CLDN14: variants seen among roughly 807,000 people sequenced by gnomAD.
CLDN14 encodes the protein claudin 14.
Under a neutral mutation model 2.1 loss-of-function variants are expected in CLDN14, and 2 were observed. The observed-to-expected ratio is 0.96, with a 90% CI of 0.39 to 3.01. The LOEUF (loss-of-function observed/expected upper bound fraction) is 3.01, where lower values mean the gene tolerates loss of function less well. Ranked by LOEUF, CLDN14 falls within the 30% of genes most tolerant of loss-of-function variation. The pLI is 0.09. For synonymous variants in CLDN14, 136 were observed against 154.4 expected (o/e 0.88, Z 0.88); for missense variants, 298 against 328.0 (o/e 0.91, Z 0.71).
In CLDN14 at chr21:36,500,693, A is replaced by C. The variant is rs546183396; in HGVS notation, c.-82+9670T>G. On this transcript the variant is annotated intron_variant, in intron 2 of 2. Coordinates refer to the CLDN14 transcript ENST00000342108. ...GTGATCCACCCGCCTCGGCCTCCCA[A>C]AGTGCTGGGATTATAGGCGCACGTC... 5.1e-4 allele frequency among the ~76,000 whole-genome samples: 78 copies of C among 152,280 alleles called. 1 individual carries two copies. Among genetic ancestry groups the C allele is most frequent in the African/African-American group, 1.8e-3 (75 of 41,562 alleles).
intron 2 of CLDN14, among the ~76,000 whole-genome samples, chr21:36,493,224 G>A (rs567863056): frequency 5.9e-5 from 9 of 152,242 alleles, no homozygotes; most frequent in African/African-American, 9.6e-5. Flanking sequence ...AGGGGCCTTC[G>A]TCCTGTCCTG....
chr21:36,571,715 C>T (rs902486557), intron 1 of CLDN14, among the ~76,000 whole-genome samples: 2 of 152,224 alleles, frequency 1.3e-5, no homozygotes, highest in Admixed American at 6.5e-5. Flanking sequence ...ATACCGTTAC[C>T]TCCAAGTGCC....
At chr21:36,569,160 G>A (rs996171458) in intron 1 of CLDN14, among the ~76,000 whole-genome samples, 3 of 152,272 alleles carry the variant, frequency 2.0e-5, no homozygotes, top group Non-Finnish European at 4.4e-5. Context: ...GCTCACGCCA[G>A]TGATCCCAGC....
At chr21:36,543,125 G>A (rs758606385) in intron 1 of CLDN14, among the ~76,000 whole-genome samples, 2 of 152,208 alleles carry the variant, frequency 1.3e-5, no homozygotes, top group African/African-American at 4.8e-5. Flanking sequence ...GTAGGTGCGC[G>A]GAGGGACTCA....
At chr21:36,535,276 T>C (rs899185728) in intron 1 of CLDN14, among the ~76,000 whole-genome samples, 6 of 152,044 alleles carry the variant, frequency 3.9e-5, no homozygotes, top group African/African-American at 1.4e-4. Flanking sequence ...TATAGTCCCA[T>C]CTACTTGGGA....
At chr21:36,541,407 T>G (rs2087487311) in intron 1 of CLDN14, among the ~76,000 whole-genome samples, 1 of 152,108 alleles carries the variant, frequency 6.6e-6, no homozygotes, top group South Asian at 2.1e-4. Context: ...AAGAATCATA[T>G]CTAAGTCCTA....
At chr21:36,488,850 C>T (rs775040526) in intron 2 of CLDN14, among the ~76,000 whole-genome samples, 7 of 151,838 alleles carry the variant, frequency 4.6e-5, no homozygotes, top group Admixed American at 4.6e-4. Context: ...AGAAAGAGGC[C>T]GCGCACAGTG....
rs146572663 is a variant in CLDN14, at chr21:36,571,331, T to A, written c.-220+5080A>T. Among the ~76,000 whole-genome samples the A allele has an allele frequency of 1.6e-4, 24 of 152,338 alleles. No homozygotes were observed. In the East Asian group the frequency reaches 3.9e-3, roughly 24 times the overall value. ...TGCATTAATAAAAGTAGTTATGTCATGTGTGGTTAACAGTATGTAAGGTTG... is the reference window on the plus strand; with the variant it reads ...TGCATTAATAAAAGTAGTTATGTCAAGTGTGGTTAACAGTATGTAAGGTTG... On this transcript the variant is annotated intron_variant, in intron 1 of 2. Transcript: ENST00000342108.
In CLDN14 at chr21:36,543,100, C is replaced by A. The variant is rs191684777; in HGVS notation, c.-219-32600G>T. On this transcript the variant is annotated intron_variant, in intron 1 of 2. Coordinates refer to the CLDN14 transcript ENST00000342108. ...CAGCAGATTTCAACAACCCGCCTCC[C>A]ACCCTACACCGCAAGTAGGTGCGCG... Among the ~76,000 whole-genome samples, 484 of 152,344 alleles carry A rather than the reference C, an allele frequency of 3.2e-3. 3 individuals are homozygous for A. The highest frequency in any genetic ancestry group is 0.011 in the African/African-American group (440 of 41,584).
intron 1 of CLDN14, among the ~76,000 whole-genome samples, chr21:36,540,027 A>G (rs1333661211): frequency 7.0e-6 from 1 of 142,114 alleles, no homozygotes; most frequent in African/African-American, 2.6e-5. Context: ...TGGTATGTGT[A>G]TGGTGTGGTG....
intron 2 of CLDN14, among the ~76,000 whole-genome samples, chr21:36,497,499 C>T (rs1344505483): frequency 6.6e-6 from 1 of 151,266 alleles, no homozygotes; most frequent in East Asian, 2.0e-4. Flanking sequence ...GTTTTCTTTT[C>T]CCTTCCTTTC....
At chr21:36,572,144 T>C (rs2087714255) in intron 1 of CLDN14, among the ~76,000 whole-genome samples, 1 of 152,232 alleles carries the variant, frequency 6.6e-6, no homozygotes, top group Admixed American at 6.5e-5. Context: ...TTGGTGCCGA[T>C]GCTCTCTGGG....
chr21:36,500,549 A>G (rs751325379), intron 2 of CLDN14, among the ~76,000 whole-genome samples: 3 of 152,112 alleles, frequency 2.0e-5, no homozygotes, highest in Non-Finnish European at 4.4e-5. Flanking sequence ...CTCCTGCTTC[A>G]ACCTCCCTAG....
intron 1 of CLDN14, among the ~76,000 whole-genome samples, chr21:36,465,453 A>G (rs2086633407): frequency 6.6e-6 from 1 of 152,030 alleles, no homozygotes; most frequent in Non-Finnish European, 1.5e-5. Flanking sequence ...TGAGCCCCCA[A>G]CTCCCAGACA....
rs7282031 is a variant in CLDN14, at chr21:36,553,954, G to A, written c.-220+22457C>T. On this transcript the variant is annotated intron_variant, in intron 1 of 2. Coordinates refer to the CLDN14 transcript ENST00000342108. ...TATCATTGGCTATGGCGAATATAGCGTCCTCGACAGTCCTGGAGGTGGCCT... is the reference window on the plus strand; with the variant it reads ...TATCATTGGCTATGGCGAATATAGCATCCTCGACAGTCCTGGAGGTGGCCT... 6.5e-3 allele frequency among the ~76,000 whole-genome samples: 983 copies of A among 152,238 alleles called. 7 individuals are homozygous for A. Among genetic ancestry groups the A allele is most frequent in the African/African-American group, 0.022 (909 of 41,534 alleles).
intron 1 of CLDN14, among the ~76,000 whole-genome samples, chr21:36,556,632 A>G (rs1302600606): frequency 6.6e-6 from 1 of 152,178 alleles, no homozygotes; most frequent in Non-Finnish European, 1.5e-5. Context: ...CGATATAAAA[A>G]CACTTAGAAC....
chr21:36,532,743 A>T (rs191661944), intron 1 of CLDN14, among the ~76,000 whole-genome samples: 65 of 152,312 alleles, frequency 4.3e-4, no homozygotes, highest in Admixed American at 2.9e-3. Context: ...GAATGCGGGG[A>T]GAAAGAAAAA....
At chr21:36,522,159 C>T (rs575292771) in intron 1 of CLDN14, among the ~76,000 whole-genome samples, 1 of 152,134 alleles carries the variant, frequency 6.6e-6, no homozygotes, top group South Asian at 2.1e-4. Flanking sequence ...TATTATAAAA[C>T]CCATCTTCTT....
intron 1 of CLDN14, among the ~76,000 whole-genome samples, chr21:36,539,594 G>A (rs560914058): frequency 5.2e-4 from 78 of 150,464 alleles, no homozygotes; most frequent in African/African-American, 1.8e-3. Flanking sequence ...GAGTGAGTGT[G>A]TGTGTGGAGT....
Sources: allele counts gnomAD v4.1 joint callset (sites outside exome capture counted in the v4.1 genomes callset), GRCh38; gene constraint gnomAD v4.1.1; transcripts MANE v1.5; gene names NCBI Gene and HGNC (gene_info 2026-07-23, HGNC 2026-07-21).